Variants in RALYL observed in about 807,000 individuals in gnomAD.
RALYL encodes the protein RALY RNA binding protein like.
Under a neutral mutation model 35.1 loss-of-function variants are expected in RALYL, and 29 were observed. The observed-to-expected ratio is 0.83, with a 90% CI of 0.61 to 1.13. The LOEUF (loss-of-function observed/expected upper bound fraction) is 1.13, where lower values mean the gene tolerates loss of function less well. Ranked by LOEUF, RALYL falls within the 50% of genes most tolerant of loss-of-function variation. The pLI is 0.00. For synonymous variants in RALYL, 120 were observed against 127.6 expected, an observed-to-expected ratio of 0.94 and a Z score of 0.40; for missense variants, 359 against 360.4, an observed-to-expected ratio of 1.00 and a Z score of 0.03.
At position 84,306,430 on chromosome 8, in the gene RALYL, T is replaced by G. The variant is rs188149321; in HGVS notation, c.-24+122006T>G. On this transcript the variant is annotated intron_variant, in intron 1 of 8. Coordinates refer to ENST00000521268, the MANE Select transcript of RALYL (RefSeq NM_173848.7). ...TGTTTTTAAACCATCTTTTGATAAG[T>G]ATAGGTCAGACTTTGGTGTTATCAT... Among the ~76,000 whole-genome samples, 191 of 152,278 alleles carry G rather than the reference T, an allele frequency of 1.3e-3. 3 individuals carry two copies. The highest frequency in any genetic ancestry group is 6.8e-3 in the Admixed American group (104 of 15,296).
At chr8:84,696,928 C>T (rs577305184) in intron 2 of RALYL, among the ~76,000 whole-genome samples, 158 of 151,870 alleles carry the variant, frequency 1.0e-3, no homozygotes, top group African/African-American at 2.9e-3. Context: ...AATGAGGTTT[C>T]GAGATGGATT....
chr8:84,366,845 A>G (rs745670195), intron 1 of RALYL, among the ~76,000 whole-genome samples: 7 of 151,232 alleles, frequency 4.6e-5, no homozygotes, highest in Non-Finnish European at 1.0e-4. Flanking sequence ...CTGTTCACAC[A>G]ATATACAAAC....
chr8:84,685,969 C>T (rs962660003), intron 2 of RALYL, among the ~76,000 whole-genome samples: 2 of 152,034 alleles, frequency 1.3e-5, no homozygotes, highest in Admixed American at 1.3e-4. Flanking sequence ...ATAAAACACC[C>T]AGTGAATGGA....
chr8:84,810,248 C>T (rs1304058395), intron 4 of RALYL, among the ~76,000 whole-genome samples: 2 of 152,048 alleles, frequency 1.3e-5, no homozygotes, highest in African/African-American at 4.8e-5. Flanking sequence ...TGACTCAATG[C>T]CCATTCCAGA....
rs957217626 is a variant in RALYL at position 84,635,118 on chromosome 8, A to G, written c.256+105541A>G. On this transcript the variant is annotated intron_variant, in intron 2 of 8. Transcript: ENST00000521268. ...GGGTGATGAGGATAACTGATTGAAC[A>G]TTTACAGTGCGTTAAGTAGCAGGCT... Among the ~76,000 whole-genome samples the G allele has an allele frequency of 2.0e-5, 3 of 151,798 alleles. No individual in the cohort carries two copies. The East Asian group carries it at 5.8e-4, about 29-fold the overall frequency.
intron 1 of RALYL, among the ~76,000 whole-genome samples, chr8:84,444,357 A>T (rs1415721004): frequency 6.6e-6 from 1 of 151,764 alleles, no homozygotes; most frequent in African/African-American, 2.4e-5. Flanking sequence ...GCAAAAAAAC[A>T]ACAATGAAAA....
Position 84,422,464 on chromosome 8 carries a change from G to A in RALYL, c.-23-106835G>A, listed in dbSNP as rs1450668675. The stretch of plus-strand genomic sequence containing the variant: ...TTTTTTCTTTATTAGTCTTGCTAGC[G>A]GTCTATCAATTTTGTTGATCCTTTC... On this transcript the variant is annotated intron_variant, in intron 1 of 8. Transcript: ENST00000521268. Among the ~76,000 whole-genome samples the A allele has an allele frequency of 6.2e-5, 7 of 112,328 alleles. No homozygotes were observed. The South Asian group carries it at 2.4e-3, about 38-fold the overall frequency. The allele number at this position is 112,328 out of a possible 152,430, so 73.7% of individuals were successfully genotyped here. A position where few individuals can be genotyped will look rare whatever the true frequency, so the allele number is the denominator to read the frequency against.
At chr8:84,819,725 T>G (rs184593686) in intron 4 of RALYL, among the ~76,000 whole-genome samples, 1 of 152,330 alleles carries the variant, frequency 6.6e-6, no homozygotes, top group African/African-American at 2.4e-5. Context: ...TTGCAGGTTA[T>G]AGCAGGCAGC....
chr8:84,876,362 C>T (rs985668868), intron 7 of RALYL, among the ~76,000 whole-genome samples: 1 of 152,194 alleles, frequency 6.6e-6, no homozygotes, highest in Non-Finnish European at 1.5e-5. Flanking sequence ...TTACATCACA[C>T]AACTTCTTTG....
intron 2 of RALYL, among the ~76,000 whole-genome samples, chr8:84,621,829 A>G (rs1197467886): frequency 1.3e-5 from 2 of 152,244 alleles, no homozygotes; most frequent in Non-Finnish European, 2.9e-5. Flanking sequence ...ATGAATATGT[A>G]TAATGTCAAC....
At chr8:84,773,071 G>T (rs919751542) in intron 2 of RALYL, among the ~76,000 whole-genome samples, 2 of 152,032 alleles carry the variant, frequency 1.3e-5, no homozygotes, top group African/African-American at 2.4e-5. Context: ...ATGATTTTAT[G>T]TCTCACATTC....
At chr8:84,196,270 G>A (rs1446149947) in intron 1 of RALYL, among the ~76,000 whole-genome samples, 1 of 152,098 alleles carries the variant, frequency 6.6e-6, no homozygotes, top group Non-Finnish European at 1.5e-5. Context: ...AAAGAAAAAG[G>A]GAAGCGTGGA....
chr8:84,431,084 A>C (rs2047089485), intron 1 of RALYL, among the ~76,000 whole-genome samples: 1 of 152,160 alleles, frequency 6.6e-6, no homozygotes, highest in South Asian at 2.1e-4. Flanking sequence ...TAGGAATGTA[A>C]TAATGGTAGC....
In RALYL at chr8:84,787,343, C is replaced by CT. The variant is rs915120220; in HGVS notation, c.332+12695dup. Among the ~76,000 whole-genome samples the CT allele has an allele frequency of 5.9e-5, 9 of 152,216 alleles. 1 individual carries two copies. The highest frequency in any genetic ancestry group is 5.9e-4 in the Admixed American group (9 of 15,296). ...GTCCCTGCAAAGGACATGAACTCAT[C>CT]TTTTTTATGGCTGCATAGTATTCCA... is the stretch of plus-strand genomic sequence containing the variant. On this transcript the variant is annotated intron_variant, in intron 3 of 8. Transcript: ENST00000521268.
At chr8:84,348,020 G>A (rs1391890435) in intron 1 of RALYL, among the ~76,000 whole-genome samples, 2 of 152,060 alleles carry the variant, frequency 1.3e-5, no homozygotes, top group Non-Finnish European at 2.9e-5. Context: ...TTTGGGCATG[G>A]TGGGACAAGA....
chr8:84,275,224 A>G (rs942433395), intron 1 of RALYL, among the ~76,000 whole-genome samples: 1 of 152,038 alleles, frequency 6.6e-6, no homozygotes, highest in African/African-American at 2.4e-5. Flanking sequence ...CTAAACCTCT[A>G]ATGTTTTTGA....
intron 4 of RALYL, among the ~76,000 whole-genome samples, chr8:84,814,363 G>C (rs181397642): frequency 3.9e-5 from 6 of 152,228 alleles, no homozygotes; most frequent in Admixed American, 2.6e-4. Context: ...GATAAAAATT[G>C]TCATGAAATG....
At chr8:84,520,556 C>A (rs1041715215) in intron 1 of RALYL, among the ~76,000 whole-genome samples, 1 of 151,938 alleles carries the variant, frequency 6.6e-6, no homozygotes, top group Non-Finnish European at 1.5e-5. Context: ...GTCCCTAATC[C>A]CTGGGCTCCA....
intron 1 of RALYL, among the ~76,000 whole-genome samples, chr8:84,197,625 C>G (rs1175054832): frequency 2.0e-5 from 3 of 152,038 alleles, no homozygotes; most frequent in Non-Finnish European, 4.4e-5. Flanking sequence ...ATGAGACTAT[C>G]TAAGTATGAA....
Sources: allele counts gnomAD v4.1 joint callset (sites outside exome capture counted in the v4.1 genomes callset), GRCh38; gene constraint gnomAD v4.1.1; transcripts MANE v1.5; gene names NCBI Gene and HGNC (gene_info 2026-07-23, HGNC 2026-07-21).